Variants in KCNH1 observed in about 807,000 individuals in gnomAD.
KCNH1 encodes the protein potassium voltage-gated channel subfamily H member 1.
Under a neutral mutation model 69.2 loss-of-function variants are expected in KCNH1, and 27 were observed. The observed-to-expected ratio is 0.39, with a 90% CI of 0.29 to 0.54. The LOEUF (loss-of-function observed/expected upper bound fraction) is 0.54, where lower values mean the gene tolerates loss of function less well. KCNH1 is among the 20% of genes least tolerant of loss of function. The probability of loss-of-function intolerance (pLI) is 0.68; values close to 1 mark genes in which losing one functional copy is unlikely to be tolerated. For missense variants in KCNH1, 798 were observed against 1,261.6 expected (o/e 0.63, Z 5.57); for synonymous variants, 456 against 487.7 (o/e 0.93, Z 0.86).
intron 1 of KCNH1, among the ~76,000 whole-genome samples, chr1:211,115,730 T>TATAC (rs1159442976): frequency 3.4e-5 from 3 of 87,032 alleles, no homozygotes; most frequent in African/African-American, 1.5e-4. Context: ...TATATATATA[T>TATAC]ACACACACAC....
At chr1:210,732,739 G>A (rs1682774769) in intron 10 of KCNH1, among the ~76,000 whole-genome samples, 1 of 152,250 alleles carries the variant, frequency 6.6e-6, no homozygotes, top group Non-Finnish European at 1.5e-5. Context: ...CTGCTTCACA[G>A]ACAGCACGTT....
intron 10 of KCNH1, among the ~76,000 whole-genome samples, chr1:210,730,422 C>G (rs1263629913): frequency 6.6e-6 from 1 of 152,094 alleles, no homozygotes; most frequent in Non-Finnish European, 1.5e-5. Flanking sequence ...AGTGAAATGG[C>G]CCACACCATT....
At chr1:210,718,275 C>T (rs11119578) in intron 10 of KCNH1, among the ~76,000 whole-genome samples, 115,755 of 125,190 alleles carry the variant, frequency 0.92, 53,535 homozygotes, top group Middle Eastern at 0.96. Flanking sequence ...AATATATGTG[C>T]ATATAAAAAT....
intron 6 of KCNH1, among the ~76,000 whole-genome samples, chr1:210,966,627 A>G (rs576252309): frequency 2.0e-5 from 3 of 152,376 alleles, no homozygotes; most frequent in East Asian, 1.9e-4. Flanking sequence ...AATGCTCATC[A>G]TCACTGGTCA....
At chr1:210,790,256 C>G (rs527392724) in intron 9 of KCNH1, among the ~76,000 whole-genome samples, 6 of 152,210 alleles carry the variant, frequency 3.9e-5, no homozygotes, top group Non-Finnish European at 8.8e-5. Flanking sequence ...GGGTCCAAGT[C>G]CCTGCTGGAC....
chr1:210,814,581 G>A (rs2102418819), intron 7 of KCNH1, among the ~76,000 whole-genome samples: 1 of 152,252 alleles, frequency 6.6e-6, no homozygotes, highest in South Asian at 2.1e-4. Context: ...AAGCAGCACT[G>A]GAATGGAATT....
At chr1:211,060,486 A>C (rs1690416440) in intron 5 of KCNH1, among the ~76,000 whole-genome samples, 1 of 151,090 alleles carries the variant, frequency 6.6e-6, no homozygotes, top group South Asian at 2.1e-4. Context: ...TAAAGATCAG[A>C]ATAGAAATAA....
At chr1:210,822,635 T>G (rs1266692390) in intron 7 of KCNH1, among the ~76,000 whole-genome samples, 1 of 152,094 alleles carries the variant, frequency 6.6e-6, no homozygotes, top group Non-Finnish European at 1.5e-5. Context: ...TGCACTGGGT[T>G]TCACAAAATT....
rs974476469 is a variant in KCNH1, at chr1:211,063,899, T to A, written c.558+18881A>T. On this transcript the variant is annotated intron_variant, in intron 5 of 10. Transcript: ENST00000271751. ...GTGATGGATACCCCAATTACCCTTATCTGATCATTACACATTGTATACTTG... is the reference window on the plus strand; with the variant it reads ...GTGATGGATACCCCAATTACCCTTAACTGATCATTACACATTGTATACTTG... Among the ~76,000 whole-genome samples, 3 of 152,240 alleles carry A rather than the reference T, an allele frequency of 2.0e-5. No homozygotes were observed. In the South Asian group the frequency reaches 6.2e-4, roughly 31 times the overall value.
intron 7 of KCNH1, among the ~76,000 whole-genome samples, chr1:210,852,020 G>A (rs1227223187): frequency 6.6e-6 from 1 of 152,210 alleles, no homozygotes; most frequent in Admixed American, 6.5e-5. Flanking sequence ...AAGAGAAAGA[G>A]AGTAAATAAG....
At chr1:210,908,586 T>C (rs58544787) in intron 7 of KCNH1, among the ~76,000 whole-genome samples, 1 of 152,126 alleles carries the variant, frequency 6.6e-6, no homozygotes, top group Non-Finnish European at 1.5e-5. Context: ...CTGCTGTCAG[T>C]ATGTTCTCTG....
Position 210,683,275 on chromosome 1 carries a change from G to A in KCNH1, c.*6C>T, listed in dbSNP as rs201235189. 1,047 of 1,605,058 alleles carry A rather than the reference G, an allele frequency of 6.5e-4. 2 individuals are homozygous for A. Among genetic ancestry groups the A allele is most frequent in the Non-Finnish European group, 8.2e-4 (961 of 1,176,560 alleles). On this transcript the variant is annotated 3_prime_UTR_variant, in exon 11 of 11. Coordinates refer to ENST00000271751, the MANE Select transcript of KCNH1 (RefSeq NM_172362.3). This position sits in a 1 kb window ranked among gnomAD's most constrained non-coding sequence, Gnocchi z 5.7. ...CTGTCTCTGACTTTTTTTTTAAATA[G>A]ACCTCTCAGCTGGCTCCAAAAATGT...
intron 10 of KCNH1, among the ~76,000 whole-genome samples, chr1:210,694,368 T>C (rs1418824187): frequency 1.3e-5 from 2 of 152,100 alleles, no homozygotes; most frequent in African/African-American, 2.4e-5. Flanking sequence ...TGCTTTTTTT[T>C]CCCCTTAGTG....
intron 10 of KCNH1, among the ~76,000 whole-genome samples, chr1:210,752,976 CAG>C (rs1350025560): frequency 1.3e-5 from 2 of 151,976 alleles, no homozygotes; most frequent in African/African-American, 4.8e-5. Context: ...AACACAGAGG[CAG>C]AGATTGGAAT....
At chr1:211,036,893 T>A (rs925362379) in intron 5 of KCNH1, among the ~76,000 whole-genome samples, 3 of 152,142 alleles carry the variant, frequency 2.0e-5, no homozygotes, top group East Asian at 3.9e-4. Context: ...CCTAGGATAA[T>A]GTCACTAGTC....
rs1688017323 is a variant in KCNH1 at position 210,949,141 on chromosome 1, TA to T, written c.1033-29073del. ...TAATGCTGTTATAGCCTTTTATACT[TA>T]AAGGGAAAAAAGATACCATGAACTC... On this transcript the variant is annotated intron_variant, in intron 6 of 10. Transcript: ENST00000271751. Among the ~76,000 whole-genome samples the T allele has an allele frequency of 2.6e-5, 4 of 152,184 alleles. No homozygotes were observed. In the South Asian group the frequency reaches 8.3e-4, roughly 32 times the overall value.
At chr1:210,889,663 C>A (rs938360895) in intron 7 of KCNH1, among the ~76,000 whole-genome samples, 11 of 152,198 alleles carry the variant, frequency 7.2e-5, no homozygotes, top group Non-Finnish European at 1.3e-4. Context: ...ACCCCATCAT[C>A]TCAGCCCAAA....
chr1:210,715,232 G>T (rs1361581641), intron 10 of KCNH1, among the ~76,000 whole-genome samples: 25 of 152,208 alleles, frequency 1.6e-4, no homozygotes, highest in Admixed American at 1.6e-3. Flanking sequence ...CCAATGTGCT[G>T]CCTACACCAG....
At chr1:210,974,200 CT>C (rs1688560289) in intron 6 of KCNH1, among the ~76,000 whole-genome samples, 1 of 152,060 alleles carries the variant, frequency 6.6e-6, no homozygotes, top group Non-Finnish European at 1.5e-5. Flanking sequence ...AAGTTCCTTT[CT>C]ATTTCTAGTG....
Sources: gnomAD v4.1 joint callset for allele counts (sites outside exome capture counted in the v4.1 genomes callset) on GRCh38, gnomAD v4.1.1 for gene constraint, Gnocchi (gnomAD v3.1) non-coding constraint, MANE v1.5 for transcripts, NCBI Gene and HGNC (gene_info 2026-07-23, HGNC 2026-07-21) for gene names.